Variants in PKN2 observed in about 807,000 individuals in gnomAD.
PKN2 encodes serine/threonine-protein kinase N2.
Under a neutral mutation model 119.1 loss-of-function variants are expected in PKN2, and 38 were observed. The observed-to-expected ratio is 0.32, with a 90% CI of 0.25 to 0.42. The LOEUF (loss-of-function observed/expected upper bound fraction) is 0.42, where lower values mean the gene tolerates loss of function less well. Ranked by LOEUF, PKN2 falls within the 10% of genes least tolerant of loss-of-function variation. The pLI is 1.00. For missense variants in PKN2, 850 were observed against 1,165.1 expected (o/e 0.73, Z 3.94); for synonymous variants, 390 against 384.9 (o/e 1.01, Z -0.15).
At chr1:88,714,871 T>C (rs947128085) in intron 1 of PKN2, among the ~76,000 whole-genome samples, 3 of 152,098 alleles carry the variant, frequency 2.0e-5, no homozygotes, top group Non-Finnish European at 2.9e-5. Context: ...GGGAATTCTT[T>C]CAGTTTTTGC....
intron 2 of PKN2, among the ~76,000 whole-genome samples, chr1:88,758,396 A>C (rs1669302800): frequency 6.6e-6 from 1 of 152,014 alleles, no homozygotes; most frequent in Non-Finnish European, 1.5e-5. Context: ...TTTTATTTTA[A>C]GTTTAAGGGT....
chr1:88,700,683 G>C (rs1018940059), intron 1 of PKN2, among the ~76,000 whole-genome samples: 4 of 152,142 alleles, frequency 2.6e-5, no homozygotes, highest in African/African-American at 9.7e-5. Flanking sequence ...TGTATTTTTG[G>C]TTCTTCATTC....
chr1:88,736,433 G>A (rs534885798), intron 1 of PKN2, among the ~76,000 whole-genome samples: 7 of 151,908 alleles, frequency 4.6e-5, no homozygotes, highest in Admixed American at 2.0e-4. Flanking sequence ...GAATGATCTC[G>A]GCTCTCTGCA....
chr1:88,684,712 C>G, intron 1 of PKN2, 84 bp downstream of exon 1: 16 of 1,214,994 alleles, frequency 1.3e-5, no homozygotes, highest in Non-Finnish European at 1.8e-5. Context: ...GAGGAAAGCC[C>G]TGCGGCCGCC....
At chr1:88,757,159 C>T (rs541598944) in intron 2 of PKN2, among the ~76,000 whole-genome samples, 1 of 152,160 alleles carries the variant, frequency 6.6e-6, no homozygotes, top group African/African-American at 2.4e-5. Context: ...CTGAATTGAA[C>T]TCAGTTAATT....
At chr1:88,703,728 T>G (rs1666862636) in intron 1 of PKN2, among the ~76,000 whole-genome samples, 1 of 152,154 alleles carries the variant, frequency 6.6e-6, no homozygotes, top group Non-Finnish European at 1.5e-5. Flanking sequence ...ACTTAGTCTA[T>G]AGTTCCATGA....
intron 16 of PKN2, among the ~76,000 whole-genome samples, chr1:88,817,708 CA>C (rs55863627): frequency 0.6 from 80,138 of 132,820 alleles, 22,623 homozygotes; most frequent in South Asian, 0.76. Context: ...GACTCCGTCT[CA>C]AAAAAAAAAA....
chr1:88,709,195 A>G (rs1667123953), intron 1 of PKN2, among the ~76,000 whole-genome samples: 1 of 151,910 alleles, frequency 6.6e-6, no homozygotes, highest in South Asian at 2.1e-4. Flanking sequence ...CTGGGATTAC[A>G]GGTGCACACC....
At chr1:88,684,860 C>T (rs934983430) in intron 1 of PKN2, 2 of 471,832 alleles carry the variant, frequency 4.2e-6, no homozygotes, top group African/African-American at 2.0e-5. Context: ...TTGATTCTGC[C>T]TACCAGAGGG....
intron 1 of PKN2, among the ~76,000 whole-genome samples, chr1:88,701,439 C>T (rs2100665000): frequency 6.6e-6 from 1 of 152,298 alleles, no homozygotes; most frequent in East Asian, 1.9e-4. Flanking sequence ...GTATACAGTT[C>T]CTTTTTTTGA....
At chr1:88,734,716 T>C (rs1160218069) in intron 1 of PKN2, among the ~76,000 whole-genome samples, 1 of 152,202 alleles carries the variant, frequency 6.6e-6, no homozygotes, top group African/African-American at 2.4e-5. Context: ...TGATTTTCTC[T>C]AGTAATGTGT....
intron 17 of PKN2, among the ~76,000 whole-genome samples, chr1:88,823,545 TA>T (rs762281191): frequency 6.8e-6 from 1 of 147,478 alleles, no homozygotes. Flanking sequence ...CTACTGCAAA[TA>T]AAAAAAAATT....
chr1:88,831,864 CTGAG>C (rs1449811940), intron 19 of PKN2, among the ~76,000 whole-genome samples: 1 of 152,042 alleles, frequency 6.6e-6, no homozygotes, highest in East Asian at 1.9e-4. Context: ...TAAAAAATGA[CTGAG>C]TGATTTTTAA....
Position 88,701,042 on chromosome 1 carries a change from G to A in PKN2, c.48+16414G>A, listed in dbSNP as rs574653893. Among the ~76,000 whole-genome samples the A allele has an allele frequency of 1.3e-5, 2 of 152,058 alleles. 1 individual carries two copies. The highest frequency in any genetic ancestry group is 4.8e-5 in the African/African-American group (2 of 41,464). ...ATCTCAGACTGAGATTTTTTTTACC[G>A]GCAGAAGGAGCTGTCACCAGTCACA... is the stretch of plus-strand genomic sequence containing the variant. On this transcript the variant is annotated intron_variant, in intron 1 of 21. Coordinates refer to ENST00000370521, the MANE Select transcript of PKN2 (RefSeq NM_006256.4).
At chr1:88,760,470 C>T in intron 3 of PKN2, 94 bp downstream of exon 3, 1 of 691,466 alleles carries the variant, frequency 1.4e-6, no homozygotes, top group Non-Finnish European at 2.4e-6. Flanking sequence ...TTATTAGTAA[C>T]TCCAACATCA....
chr1:88,753,105 G>T (rs1055799663), intron 2 of PKN2, among the ~76,000 whole-genome samples: 2 of 152,040 alleles, frequency 1.3e-5, no homozygotes, highest in Non-Finnish European at 2.9e-5. Flanking sequence ...CAGACAATTC[G>T]AACTCCTTAG....
chr1:88,790,049 A>C (rs1670752688), intron 8 of PKN2, among the ~76,000 whole-genome samples: 1 of 152,242 alleles, frequency 6.6e-6, no homozygotes, highest in South Asian at 2.1e-4. Flanking sequence ...ACTCTATGTA[A>C]GCAGGTATGC....
chr1:88,728,659 G>A lies in PKN2; in HGVS notation c.49-12329G>A, dbSNP rs568649862. Among the ~76,000 whole-genome samples, 9 of 152,094 alleles carry A rather than the reference G, an allele frequency of 5.9e-5. No homozygotes were observed. In the South Asian group the frequency reaches 1.5e-3, roughly 25 times the overall value. ...GTTAACAGTTCTGATCCTGCTATAC[G>A]TTTTACTGGAATTGAATGATTCAGT... On this transcript the variant is annotated intron_variant, in intron 1 of 21. Transcript: ENST00000370521.
At chr1:88,808,999 T>C (rs1671674250) in intron 15 of PKN2, among the ~76,000 whole-genome samples, 1 of 152,236 alleles carries the variant, frequency 6.6e-6, no homozygotes, top group Non-Finnish European at 1.5e-5. Context: ...TCTTGCTATG[T>C]AGATATGCCA....
Sources: allele counts gnomAD v4.1 joint callset (sites outside exome capture counted in the v4.1 genomes callset), GRCh38; gene constraint gnomAD v4.1.1; transcripts MANE v1.5; gene names NCBI Gene and HGNC (gene_info 2026-07-23, HGNC 2026-07-21).